MAPRE2: variants seen among roughly 807,000 people sequenced by gnomAD.
The protein encoded by MAPRE2 is microtubule associated protein RP/EB family member 2.
In MAPRE2, 13 loss-of-function variants were observed where a neutral mutation model predicts 43.2. The ratio of observed to expected loss-of-function variants is 0.30; its 90% CI spans 0.20 to 0.48. The LOEUF (loss-of-function observed/expected upper bound fraction) is 0.48. Ranked by LOEUF, MAPRE2 falls within the 20% of genes least tolerant of loss-of-function variation. The pLI is 0.99. For synonymous variants in MAPRE2, 135 were observed against 148.8 expected (o/e 0.91, Z 0.68); for missense variants, 161 against 400.2 (o/e 0.40, Z 5.10).
At chr18:35,019,134 C>T (rs558547517) in intron 2 of MAPRE2, among the ~76,000 whole-genome samples, 148 of 151,700 alleles carry the variant, frequency 9.8e-4, no homozygotes, top group African/African-American at 3.4e-3. Flanking sequence ...ATATTATGTA[C>T]CTTTGAGGAG....
intron 2 of MAPRE2, among the ~76,000 whole-genome samples, chr18:35,072,652 T>G (rs1907165127): frequency 1.3e-5 from 2 of 152,234 alleles, no homozygotes; most frequent in Admixed American, 1.3e-4. Context: ...AAATTTCTCA[T>G]AAAGCAAATT....
chr18:35,063,201 T>A (rs770917894), intron 1 of MAPRE2, among the ~76,000 whole-genome samples: 12 of 152,134 alleles, frequency 7.9e-5, no homozygotes, highest in Admixed American at 1.3e-4. Context: ...CCTCCTGGGT[T>A]CACGCCATTC....
At chr18:35,005,739 A>G (rs568694875) in intron 2 of MAPRE2, among the ~76,000 whole-genome samples, 35 of 152,328 alleles carry the variant, frequency 2.3e-4, no homozygotes, top group African/African-American at 8.4e-4. Flanking sequence ...CAAGTGTACG[A>G]AGGGCTAATT....
intron 4 of MAPRE2, among the ~76,000 whole-genome samples, chr18:35,119,570 T>G (rs1453288455): frequency 2.0e-5 from 3 of 152,136 alleles, no homozygotes; most frequent in Non-Finnish European, 2.9e-5. Context: ...CAATAAAAAT[T>G]TGCACAAATG....
At chr18:35,130,875 C>T (rs759672058) in intron 5 of MAPRE2, among the ~76,000 whole-genome samples, 5 of 152,078 alleles carry the variant, frequency 3.3e-5, no homozygotes, top group Non-Finnish European at 5.9e-5. Context: ...TCTGGGTGTC[C>T]GAGTTCTTGG....
Position 35,041,559 on chromosome 18 carries a change from C to T in MAPRE2, c.20C>T (p.Thr7Ile), listed in dbSNP as rs2068502328. Residue 7 changes from threonine (T) to isoleucine (I), a missense_variant, in exon 1 of 7, where the codon ACC becomes ATC. Thr to Ile is a moderately conservative substitution (Grantham distance 89). Transcript: ENST00000300249. Reference sequence around the variant, plus strand: ...GCGCCAATGCCTGGGCCGACCCAAACCCTGTCCCCAAATGGCGAGAACAAC... The same window carrying T: ...GCGCCAATGCCTGGGCCGACCCAAATCCTGTCCCCAAATGGCGAGAACAAC... MPGPTQTLSPNGENNND... is the reference protein window; with the variant it reads MPGPTQILSPNGENNND... 2 of 1,614,126 alleles carry T rather than the reference C, an allele frequency of 1.2e-6. No individual in the cohort carries two copies. The highest frequency in any genetic ancestry group is 1.3e-5 in the African/African-American group (1 of 74,944).
chr18:35,106,901 GA>G (rs1418138475), intron 4 of MAPRE2, among the ~76,000 whole-genome samples: 1 of 152,090 alleles, frequency 6.6e-6, no homozygotes, highest in Non-Finnish European at 1.5e-5. Context: ...GCATCATTGT[GA>G]ATCATGATGT....
In MAPRE2 at chr18:35,053,423, G is replaced by A. The variant is rs59685052; in HGVS notation, c.122+11762G>A. 4.0e-3 allele frequency among the ~76,000 whole-genome samples: 605 copies of A among 151,628 alleles called. 7 individuals are homozygous for A. The highest frequency in any genetic ancestry group is 0.014 in the African/African-American group (589 of 41,330). ...AAAATAAAATAAAAATAAAAAAACA[G>A]TATTTAATATGTAAATAGAGGGTAA... is the stretch of plus-strand genomic sequence containing the variant. On this transcript the variant is annotated intron_variant, in intron 1 of 6. Transcript: ENST00000300249.
intron 6 of MAPRE2, 74 bp from the exon 7 acceptor site, chr18:35,140,221 G>A (rs1910567999): frequency 7.5e-7 from 1 of 1,333,816 alleles, no homozygotes; most frequent in South Asian, 1.2e-5. Context: ...TGCTGGCAGT[G>A]GCAATGGGCT....
chr18:35,118,285 A>G (rs570387792), intron 4 of MAPRE2, among the ~76,000 whole-genome samples: 3 of 152,052 alleles, frequency 2.0e-5, no homozygotes, highest in Admixed American at 6.6e-5. Flanking sequence ...TTTATTTTAC[A>G]CTGTAATGAC....
intron 2 of MAPRE2, among the ~76,000 whole-genome samples, chr18:35,009,458 G>A (rs1021545930): frequency 6.6e-6 from 1 of 152,182 alleles, no homozygotes; most frequent in East Asian, 1.9e-4. Context: ...AGATACACAA[G>A]GTTAGGGATG....
At chr18:35,110,779 G>A (rs1909141445) in intron 4 of MAPRE2, among the ~76,000 whole-genome samples, 3 of 152,214 alleles carry the variant, frequency 2.0e-5, no homozygotes. Context: ...CTTTAAAGAT[G>A]TTATTCCACT....
At chr18:35,100,728 A>G (rs746162523) in intron 3 of MAPRE2, among the ~76,000 whole-genome samples, 4 of 152,190 alleles carry the variant, frequency 2.6e-5, no homozygotes, top group Non-Finnish European at 4.4e-5. Flanking sequence ...CAACTGGGCT[A>G]CATATTACAA....
At chr18:35,036,945 G>C (rs964988530), upstream of MAPRE2, among the ~76,000 whole-genome samples, 1 of 152,122 alleles carries the variant, frequency 6.6e-6, no homozygotes, top group Non-Finnish European at 1.5e-5. Flanking sequence ...GAACTATAAA[G>C]AAAAAGGTTA....
intron 2 of MAPRE2, among the ~76,000 whole-genome samples, chr18:35,082,918 T>A (rs1907710612): frequency 6.6e-6 from 1 of 152,204 alleles, no homozygotes; most frequent in Non-Finnish European, 1.5e-5. Context: ...TTTGTATTTT[T>A]GCTGTTTTTC....
chr18:34,977,440 C>A (rs772981800), intron 1 of MAPRE2, among the ~76,000 whole-genome samples: 1 of 152,160 alleles, frequency 6.6e-6, no homozygotes, highest in African/African-American at 2.4e-5. Flanking sequence ...GGTAGGAACA[C>A]GGCGTTGGTG....
In MAPRE2 at chr18:35,118,682, T is replaced by C. The variant is rs148214347; in HGVS notation, c.611-8266T>C. On this transcript the variant is annotated intron_variant, in intron 4 of 6. Transcript: ENST00000300249. The stretch of plus-strand genomic sequence containing the variant: ...TGAGCCTTTTGAAAGCAAAGCTAGA[T>C]CATGTCACTCTGTTCAGGATCCTGC... Among the ~76,000 whole-genome samples, 770 of 152,286 alleles carry C rather than the reference T, an allele frequency of 5.1e-3. 5 individuals carry two copies. Among genetic ancestry groups the C allele is most frequent in the Middle Eastern group, 0.02 (6 of 294 alleles).
Position 35,140,286 on chromosome 18 carries a change from TG to T in MAPRE2, c.910-8del, listed in dbSNP as rs750538900. On this transcript the variant is annotated splice_polypyrimidine_tract_variant and splice_region_variant and intron_variant, in intron 6 of 6. Coordinates refer to ENST00000300249, the MANE Select transcript of MAPRE2 (RefSeq NM_014268.4). ...ATTATCTCAGCTGAAACTTCTCCCC[TG>T]CCCACAGGAGGGCCACACAGAAGAG... 1 of 1,612,658 alleles carries T rather than the reference TG, an allele frequency of 6.2e-7. No homozygotes were observed. The highest frequency in any genetic ancestry group is 8.5e-7 in the Non-Finnish European group (1 of 1,179,272).
chr18:35,128,517 A>G (rs1487057929), intron 5 of MAPRE2, among the ~76,000 whole-genome samples: 1 of 152,238 alleles, frequency 6.6e-6, no homozygotes, highest in Admixed American at 6.5e-5. Context: ...TAAAAACAGT[A>G]CAACATAACT....
Sources: allele counts gnomAD v4.1 joint callset (sites outside exome capture counted in the v4.1 genomes callset), GRCh38; gene constraint gnomAD v4.1.1; transcripts MANE v1.5; gene names NCBI Gene and HGNC (gene_info 2026-07-23, HGNC 2026-07-21).